TACC2: variants seen among roughly 807,000 people sequenced by gnomAD.
TACC2 encodes the protein transforming acidic coiled-coil-containing protein 2.
In TACC2, 137 loss-of-function variants were observed where a neutral mutation model predicts 227.3. The observed-to-expected ratio is 0.60, with a 90% CI of 0.52 to 0.69. The LOEUF (loss-of-function observed/expected upper bound fraction) is 0.69, where lower values mean the gene tolerates loss of function less well. TACC2 is among the 30% of genes least tolerant of loss of function. The pLI, the probability that TACC2 is intolerant of heterozygous loss-of-function variation, is 0.00. For missense variants in TACC2, 3,470 were observed against 3,694.4 expected (o/e 0.94, Z 1.57); for synonymous variants, 1,523 against 1,487.5 (o/e 1.02, Z -0.55).
chr10:122,057,302 C>T (rs2076304067), intron 3 of TACC2, among the ~76,000 whole-genome samples: 2 of 152,030 alleles, frequency 1.3e-5, no homozygotes, highest in East Asian at 1.9e-4. Context: ...TGGAGGGTGC[C>T]GGCTGGAAGG....
intron 2 of TACC2, among the ~76,000 whole-genome samples, chr10:122,032,086 TG>T (rs1198574197): frequency 2.6e-5 from 4 of 152,156 alleles, no homozygotes; most frequent in Admixed American, 2.6e-4. Flanking sequence ...TCAATTGCTG[TG>T]CCCAGAATAT....
At chr10:122,221,422 T>C (rs1290834634) in intron 11 of TACC2, among the ~76,000 whole-genome samples, 1 of 152,212 alleles carries the variant, frequency 6.6e-6, no homozygotes, top group Admixed American at 6.5e-5. Context: ...GAAGTCTCAG[T>C]GACTCTTTGG....
In TACC2 at chr10:122,085,381, G is replaced by T. The variant is rs376454944; in HGVS notation, c.2881G>T (p.Val961Phe). The change falls in exon 4 of 23, where the codon GTC becomes TTC. Residue 961 changes from valine (V) to phenylalanine (F), a missense_variant. Transcript: ENST00000369005. ...ATGCGGTGATGGTCAGTCCTCGAGG[G>T]TCTCGCCTCCAGCAGCAGATGTCTT... Reference protein sequence around the residue: ...GACGDGQSSRVSPPAADVLKD... With the variant: ...GACGDGQSSRFSPPAADVLKD... 1.2e-6 allele frequency: 2 copies of T among 1,613,852 alleles called. No individual in the cohort carries two copies. The highest frequency in any genetic ancestry group is 1.7e-6 in the Non-Finnish European group (2 of 1,180,040).
intron 1 of TACC2, among the ~76,000 whole-genome samples, chr10:122,020,683 T>C (rs1176474874): frequency 6.6e-6 from 1 of 152,184 alleles, no homozygotes; most frequent in Non-Finnish European, 1.5e-5. Flanking sequence ...CTCCCCAAAC[T>C]GAGTCTTTGG....
intron 9 of TACC2, 71 bp from the exon 10 acceptor site, chr10:122,215,320 T>C: frequency 1.4e-6 from 2 of 1,404,946 alleles, no homozygotes; most frequent in Non-Finnish European, 2.0e-6. Context: ...GTAGCTTCGG[T>C]CCGCTCTGTA....
At chr10:122,207,335 C>G (rs1398801951) in intron 8 of TACC2, among the ~76,000 whole-genome samples, 1 of 151,800 alleles carries the variant, frequency 6.6e-6, no homozygotes, top group Non-Finnish European at 1.5e-5. Flanking sequence ...GGGAGGACTT[C>G]GAACCCAGTT....
chr10:122,135,170 C>G (rs2089330719), intron 6 of TACC2, among the ~76,000 whole-genome samples: 1 of 152,176 alleles, frequency 6.6e-6, no homozygotes, highest in Non-Finnish European at 1.5e-5. Flanking sequence ...TGCAGCAGCT[C>G]TGGCCCGGCT....
chr10:122,086,907 AC>A lies in TACC2; in HGVS notation c.4408del (p.Leu1470SerfsTer34), dbSNP rs1352479260. 11 of 1,613,766 alleles carry A rather than the reference AC, an allele frequency of 6.8e-6. No individual in the cohort carries two copies. The highest frequency in any genetic ancestry group is 9.3e-6 in the Non-Finnish European group (11 of 1,179,992). On this transcript the variant is annotated frameshift_variant, in exon 4 of 23. Coordinates refer to ENST00000369005, the MANE Select transcript of TACC2 (RefSeq NM_206862.4). LOFTEE classifies it high-confidence loss of function. Reference sequence around the variant, plus strand: ...CCCTTCTCCCTGCACCTCCTGCTCGACTCCAGGTGGAGAAGAAGCAACAGTT... The same window carrying A: ...CCCTTCTCCCTGCACCTCCTGCTCGATCCAGGTGGAGAAGAAGCAACAGTT... ...VTLLPAPPAR[L>X]QVEKKQQLAG...
chr10:122,250,019 C>T (rs182725513), intron 22 of TACC2, among the ~76,000 whole-genome samples: 3 of 152,368 alleles, frequency 2.0e-5, no homozygotes, highest in Admixed American at 2.0e-4. Flanking sequence ...ATGGGGTGCC[C>T]ACCAGGCCCT....
At chr10:122,121,945 C>T (rs6585789) in intron 5 of TACC2, among the ~76,000 whole-genome samples, 101,693 of 152,150 alleles carry the variant, frequency 0.67, 37,637 homozygotes, top group South Asian at 0.82. Context: ...AAAGACCTGG[C>T]GGGGAGGGGG....
intron 2 of TACC2, among the ~76,000 whole-genome samples, chr10:122,037,124 GGTAACAGGTGTGTATGGTATAGGAATAGT>G (rs2135932592): frequency 6.6e-6 from 1 of 152,316 alleles, no homozygotes; most frequent in Non-Finnish European, 1.5e-5. Flanking sequence ...TCTGGAATAA[GGTAACAGGTGTGTATGGTATAGGAATAGT>G]GTAACAGGTA....
intron 7 of TACC2, among the ~76,000 whole-genome samples, chr10:122,148,034 A>G (rs2091606298): frequency 6.6e-6 from 1 of 152,000 alleles, no homozygotes; most frequent in Non-Finnish European, 1.5e-5. Flanking sequence ...AGTTTCGAAA[A>G]TGTAAGGTTG....
rs1344502759 is a variant in TACC2, at chr10:122,143,667, C to G, written c.5795C>G (p.Ser1932Cys). Residue 1932 changes from serine to cysteine, a missense_variant, in exon 7 of 23, where the codon TCC becomes TGC. By Grantham distance (112) the Ser-to-Cys change is moderately radical. Around this residue, in one of 10 missense-constraint regions of TACC2, gnomAD observed 1,924 missense variants for 1,978.3 expected, o/e 0.97. Transcript: ENST00000369005. ...CCAGCTGGTGACAGAGTAGAAGCTT[C>G]CACTCCCTCCTGCCCAGATCCGGCC... The part of the protein sequence containing the change: ...SAPAGDRVEA[S>C]TPSCPDPAKD... The G allele has an allele frequency of 6.2e-7, 1 of 1,614,080 alleles. No individual in the cohort carries two copies. Among genetic ancestry groups the G allele is most frequent in the Non-Finnish European group, 8.5e-7 (1 of 1,180,046 alleles).
chr10:122,068,945 G>T (rs1270671033), intron 3 of TACC2, among the ~76,000 whole-genome samples: 2 of 132,730 alleles, frequency 1.5e-5, no homozygotes, highest in South Asian at 4.8e-4. Flanking sequence ...TGATCCACCC[G>T]CCTCAGCCTC....
chr10:122,222,041 A>G (rs1037842499), intron 11 of TACC2, among the ~76,000 whole-genome samples: 1 of 152,194 alleles, frequency 6.6e-6, no homozygotes, highest in African/African-American at 2.4e-5. Context: ...GTGAACGATG[A>G]CTGAGCCTCT....
chr10:122,115,105 T>C (rs906202875), intron 5 of TACC2, among the ~76,000 whole-genome samples: 1 of 152,240 alleles, frequency 6.6e-6, no homozygotes, highest in African/African-American at 2.4e-5. Context: ...TATTCGGCTT[T>C]GTATCCTGGT....
rs117551724 is a variant in TACC2, at chr10:122,018,706, C to T, written c.-45-3231C>T. On this transcript the variant is annotated intron_variant, in intron 1 of 22. Coordinates refer to ENST00000369005, the MANE Select transcript of TACC2 (RefSeq NM_206862.4). ...CTTTTGGAGTTCCTCCTCGTTGTAG[C>T]ATGTCAGTACTTCATTCCTTTTCAT... 8.5e-3 allele frequency among the ~76,000 whole-genome samples: 1,290 copies of T among 152,326 alleles called. 12 individuals are homozygous for T. The highest frequency in any genetic ancestry group is 0.015 in the Non-Finnish European group (1,043 of 68,036).
At chr10:122,235,026 AC>A (rs2095830985) in intron 16 of TACC2, among the ~76,000 whole-genome samples, 1 of 152,188 alleles carries the variant, frequency 6.6e-6, no homozygotes, top group Admixed American at 6.6e-5. Context: ...ATTAAAAAAA[AC>A]ACACACATTT....
At chr10:122,100,137 G>A (rs1242138897) in intron 5 of TACC2, among the ~76,000 whole-genome samples, 22 of 151,986 alleles carry the variant, frequency 1.4e-4, no homozygotes, top group African/African-American at 4.8e-4. Context: ...GGTGGCGTGC[G>A]CCTGTAGTCC....
Sources: gnomAD v4.1 joint callset for allele counts (sites outside exome capture counted in the v4.1 genomes callset) on GRCh38, gnomAD v4.1.1 for gene constraint, gnomAD v4.1.1 regional missense constraint, MANE v1.5 for transcripts, NCBI Gene and HGNC (gene_info 2026-07-23, HGNC 2026-07-21) for gene names.